XAGE2: variants seen among roughly 807,000 people sequenced by gnomAD.
XAGE2 encodes the protein G antigen family D member 3.
In XAGE2, 7 loss-of-function variants were observed where a neutral mutation model predicts 9.9. The observed-to-expected ratio is 0.71, with a 90% CI of 0.40 to 1.32. The LOEUF is 1.32. Ranked by LOEUF, XAGE2 falls within the 40% of genes most tolerant of loss-of-function variation. The pLI, the probability that XAGE2 is intolerant of heterozygous loss-of-function variation, is 0.01. For missense variants in XAGE2, 85 were observed against 81.0 expected (o/e 1.05, Z -0.19); for synonymous variants, 31 against 26.8 (o/e 1.16, Z -0.48).
At position 52,370,066 on chromosome X, in the gene XAGE2, C is replaced by A. The variant is rs1921152384; in HGVS notation, c.52C>A (p.Gln18Lys). Residue 18 changes from glutamine to lysine, a missense_variant, in exon 2 of 5, where the codon CAG becomes AAG. Transcript: ENST00000286049. ...TAGGCCTAGGCCAAGAAGAAGTTTA[C>A]AGCCTCCTGAGCTGATTGGGGCTAT... ...TYRPRPRRSL[Q>K]PPELIGAMLE... 8.3e-7 allele frequency: 1 copy of A among 1,212,063 alleles called. No individual in the cohort carries two copies. Among genetic ancestry groups the A allele is most frequent in the South Asian group, 1.8e-5 (1 of 56,995 alleles).
Position 52,369,058 on chromosome X carries a change from T to G in XAGE2, c.-165T>G, listed in dbSNP as rs1441253716. ...CCTTGGACACCTGCCTCAGTGTGCA[T>G]GTTCACTGGGCATCTTCCCTTCGAC... On this transcript the variant is annotated 5_prime_UTR_variant, in exon 1 of 5. It removes an upstream start codon present in the reference 5' UTR. Transcript: ENST00000286049. 1 of 111,541 alleles carries G rather than the reference T, an allele frequency of 9.0e-6. No individual in the cohort carries two copies. Among genetic ancestry groups the G allele is most frequent in the Non-Finnish European group, 1.9e-5 (1 of 53,262 alleles). 9.2% of individuals were successfully genotyped at this position (111,541 alleles called of 1,213,427 possible). A position where few individuals can be genotyped will look rare whatever the true frequency, so the allele number is the denominator to read the frequency against.
At chrX:52,372,765 A>G (rs1014694996) in intron 4 of XAGE2, 96 bp downstream of exon 4, 2 of 1,061,351 alleles carry the variant, frequency 1.9e-6, no homozygotes, top group African/African-American at 3.7e-5. Context: ...CCACTTTAAT[A>G]ACAGTGTTCA....
intron 4 of XAGE2, among the ~76,000 whole-genome samples, chrX:52,374,997 C>A (rs1215671369): frequency 9.0e-6 from 1 of 111,564 alleles, no homozygotes; most frequent in East Asian, 2.8e-4. Context: ...TAACCCAAAG[C>A]AACATTTTTG....
Position 52,373,383 on chromosome X carries a change from T to G in XAGE2, c.313+714T>G, listed in dbSNP as rs988158309. The stretch of plus-strand genomic sequence containing the variant: ...TCTGGCTTTTAAAGAATAATTGTAT[T>G]TTAAAGCCTTCCCACCGTGAAGCCT... On this transcript the variant is annotated intron_variant, in intron 4 of 4. Transcript: ENST00000286049. Among the ~76,000 whole-genome samples the G allele has an allele frequency of 2.7e-5, 3 of 111,898 alleles. No individual in the cohort carries two copies. The Admixed American group carries it at 2.9e-4, about 11-fold the overall frequency.
At chrX:52,373,751 A>G (rs1419528625) in intron 4 of XAGE2, among the ~76,000 whole-genome samples, 1 of 111,754 alleles carries the variant, frequency 8.9e-6, no homozygotes, top group Non-Finnish European at 1.9e-5. Context: ...GTTAATGAGA[A>G]GAGCTTCTGA....
At chrX:52,372,204 T>C (rs1045180402) in intron 3 of XAGE2, among the ~76,000 whole-genome samples, 1 of 109,881 alleles carries the variant, frequency 9.1e-6, no homozygotes, top group African/African-American at 3.3e-5. Context: ...GCCAAAAAAA[T>C]ACAAAAATTA....
chrX:52,370,455 T>G lies in XAGE2; in HGVS notation c.82-112T>G. 5.8e-6 allele frequency: 4 copies of G among 683,909 alleles called. No individual in the cohort carries two copies. The South Asian group carries it at 8.9e-5, about 15-fold the overall frequency. 56.4% of individuals were successfully genotyped at this position (683,909 alleles called of 1,213,427 possible). The stretch of plus-strand genomic sequence containing the variant: ...GTGGAACAGTGTTGGAGAAGTGTCT[T>G]TAGACTTACTTGTGATTAGAAATAC... On this transcript the variant is annotated intron_variant, in intron 2 of 4. Coordinates refer to ENST00000286049, the MANE Select transcript of XAGE2 (RefSeq NM_130777.3).
intron 4 of XAGE2, among the ~76,000 whole-genome samples, chrX:52,374,862 ATAAT>A (rs1602058531): frequency 9.0e-6 from 1 of 111,528 alleles, no homozygotes; most frequent in Admixed American, 9.6e-5. Context: ...ATGCGATCAT[ATAAT>A]TAATTATACA....
intron 4 of XAGE2, among the ~76,000 whole-genome samples, chrX:52,373,222 C>T (rs1036043398): frequency 3.1e-4 from 35 of 112,193 alleles, no homozygotes; most frequent in African/African-American, 1.0e-3. Context: ...TCCTAACAAT[C>T]AGCTTCAGTC....
At chrX:52,371,230 C>T (rs930585130) in intron 3 of XAGE2, among the ~76,000 whole-genome samples, 22 of 112,080 alleles carry the variant, frequency 2.0e-4, no homozygotes, top group African/African-American at 5.2e-4. Context: ...CTAACATCTA[C>T]GTTATTAGAA....
chrX:52,369,171 CG>C lies in XAGE2; in HGVS notation c.-51del, dbSNP rs1472079423. Reference sequence around the variant, plus strand: ...CTGGACTCTTTCTCTCCTACTGAGACGCAGCCTATAGGTCCGCAGGCCAGTC... The same window carrying C: ...CTGGACTCTTTCTCTCCTACTGAGACCAGCCTATAGGTCCGCAGGCCAGTC... On this transcript the variant is annotated 5_prime_UTR_variant, in exon 1 of 5. Coordinates refer to ENST00000286049, the MANE Select transcript of XAGE2 (RefSeq NM_130777.3). The C allele has an allele frequency of 0.029, 3,270 of 111,102 alleles. 43 individuals are homozygous for C. Among genetic ancestry groups the C allele is most frequent in the Non-Finnish European group, 0.045 (2,380 of 53,014 alleles). The allele number at this position is 111,102 out of a possible 1,213,427, so 9.2% of individuals were successfully genotyped here.
chrX:52,373,028 T>C (rs1921231276), intron 4 of XAGE2, among the ~76,000 whole-genome samples: 1 of 112,738 alleles, frequency 8.9e-6, no homozygotes, highest in Non-Finnish European at 1.9e-5. Context: ...GAGATTCTAG[T>C]AGCAGCTCTA....
chrX:52,371,682 CA>C (rs1465390171), intron 3 of XAGE2, among the ~76,000 whole-genome samples: 4 of 111,666 alleles, frequency 3.6e-5, no homozygotes, highest in African/African-American at 1.3e-4. Flanking sequence ...TTCTTTCACT[CA>C]ATTTCCTGAA....
Position 52,372,669 on chromosome X carries a change from G to C in XAGE2, c.313G>C (p.Gly105Arg). 1 of 1,210,582 alleles carries C rather than the reference G, an allele frequency of 8.3e-7. No homozygotes were observed. The highest frequency in any genetic ancestry group is 1.1e-6 in the Non-Finnish European group (1 of 894,784). ...AGAGCACTTTAAAATGCCAGAAGCAGGTGTGTTATTCATTAAGACACAAAG... is the reference window on the plus strand; with the variant it reads ...AGAGCACTTTAAAATGCCAGAAGCACGTGTGTTATTCATTAAGACACAAAG... Reference protein sequence around the residue: ...KAEHFKMPEAGEGKSQV With the variant: ...KAEHFKMPEAREGKSQV The change falls in exon 4 of 5, where the codon GGT (glycine) becomes CGT (arginine). Residue 105 changes from glycine to arginine, a missense_variant and splice_region_variant. By Grantham distance (125) the Gly-to-Arg change is moderately radical. Transcript: ENST00000286049.
chrX:52,372,578 TCAGA>T lies in XAGE2; in HGVS notation c.225_228del (p.Thr76ArgfsTer39). On this transcript the variant is annotated frameshift_variant, in exon 4 of 5. Transcript: ENST00000286049. LOFTEE classifies it high-confidence loss of function. ...TGGAAGCCGATCTCCAGGAGCTATG[TCAGA>T]CAAAGACTGGGGATGGATGTGAAGG... 8.3e-7 allele frequency: 1 copy of T among 1,211,609 alleles called. No individual in the cohort carries two copies. The highest frequency in any genetic ancestry group is 1.7e-5 in the African/African-American group (1 of 57,838).
At chrX:52,370,785 A>C in intron 3 of XAGE2, 113 bp downstream of exon 3, 872 of 715,529 alleles carry the variant, frequency 1.2e-3, no homozygotes, top group Non-Finnish European at 1.5e-3. Context: ...AAAGGATCTC[A>C]AGCACTTGCT....
Position 52,370,091 on chromosome X carries a change from T to TCA in XAGE2, c.77_78insCA (p.Met26IlefsTer91). ...CAGCCTCCTGAGCTGATTGGGGCTATGCTTGTGAGTGCTTTAATATTTTGA... is the reference window on the plus strand; with the variant it reads ...CAGCCTCCTGAGCTGATTGGGGCTATCAGCTTGTGAGTGCTTTAATATTTTGA... On this transcript the variant is annotated frameshift_variant, in exon 2 of 5. Coordinates refer to ENST00000286049, the MANE Select transcript of XAGE2 (RefSeq NM_130777.3). LOFTEE classifies it high-confidence loss of function. 8.3e-7 allele frequency: 1 copy of TCA among 1,209,670 alleles called. No homozygotes were observed. The highest frequency in any genetic ancestry group is 1.1e-6 in the Non-Finnish European group (1 of 893,742).
intron 4 of XAGE2, among the ~76,000 whole-genome samples, chrX:52,374,917 A>T (rs2146416139): frequency 8.9e-6 from 1 of 111,908 alleles, no homozygotes; most frequent in South Asian, 3.7e-4. Flanking sequence ...TATTTGTATT[A>T]ACATCAGGAC....
chrX:52,372,584 A>G lies in XAGE2; in HGVS notation c.228A>G (p.Thr76=). ...LEADLQELCQ[T]KTGDGCEGGT... Reference sequence around the variant, plus strand: ...CCGATCTCCAGGAGCTATGTCAGACAAAGACTGGGGATGGATGTGAAGGTG... The same window carrying G: ...CCGATCTCCAGGAGCTATGTCAGACGAAGACTGGGGATGGATGTGAAGGTG... The change falls in exon 4 of 5, where the codon ACA becomes ACG. Residue 76 remains threonine (T), a synonymous_variant. Coordinates refer to ENST00000286049, the MANE Select transcript of XAGE2 (RefSeq NM_130777.3). The G allele has an allele frequency of 8.3e-7, 1 of 1,211,732 alleles. No individual in the cohort carries two copies. Among genetic ancestry groups the G allele is most frequent in the East Asian group, 3.0e-5 (1 of 33,829 alleles).
Sources: allele counts gnomAD v4.1 joint callset (sites outside exome capture counted in the v4.1 genomes callset), GRCh38; gene constraint gnomAD v4.1.1; transcripts MANE v1.5; gene names NCBI Gene and HGNC (gene_info 2026-07-23, HGNC 2026-07-21).